CTNNA2: variants seen among roughly 807,000 people sequenced by gnomAD.
CTNNA2 encodes the protein catenin alpha 2.
CTNNA2 carries 42 observed loss-of-function variants against 101.0 expected under a neutral mutation model. That is an observed-to-expected ratio of 0.42 (90% confidence interval 0.32 to 0.54). The LOEUF (loss-of-function observed/expected upper bound fraction) is 0.54, where lower values mean the gene tolerates loss of function less well. Among genes scored for constraint, CTNNA2 ranks in the 20% least tolerant of loss-of-function variants. The pLI is 0.14. For synonymous variants in CTNNA2, 450 were observed against 456.4 expected, an observed-to-expected ratio of 0.99 and a Z score of 0.18; for missense variants, 871 against 1,223.1, an observed-to-expected ratio of 0.71 and a Z score of 4.29.
chr2:79,740,660 C>T (rs1297537780), intron 2 of CTNNA2, among the ~76,000 whole-genome samples: 1 of 152,086 alleles, frequency 6.6e-6, no homozygotes, highest in East Asian at 1.9e-4. Context: ...TGTAGTGAGA[C>T]AAATGTAGAG....
chr2:79,946,912 G>A (rs1473501104), intron 7 of CTNNA2, among the ~76,000 whole-genome samples: 2 of 152,192 alleles, frequency 1.3e-5, no homozygotes, highest in African/African-American at 4.8e-5. Flanking sequence ...GAAGAGACCA[G>A]TCTCCAAGAA....
intron 7 of CTNNA2, among the ~76,000 whole-genome samples, chr2:79,929,962 C>T (rs186030183): frequency 2.6e-5 from 4 of 152,152 alleles, no homozygotes; most frequent in Non-Finnish European, 5.9e-5. Context: ...CCTGGCCAGC[C>T]GTGGTGGCAA....
At chr2:79,689,199 C>T (rs1684128561) in intron 2 of CTNNA2, among the ~76,000 whole-genome samples, 1 of 151,814 alleles carries the variant, frequency 6.6e-6, no homozygotes, top group African/African-American at 2.4e-5. Context: ...AAGTACAAGG[C>T]ATTTTTGTGA....
At chr2:79,510,390 C>T (rs535341679), upstream of CTNNA2, among the ~76,000 whole-genome samples, 3 of 152,180 alleles carry the variant, frequency 2.0e-5, no homozygotes, top group East Asian at 5.8e-4. Flanking sequence ...ACAATGGGGA[C>T]AAACAACATG....
rs1199285781 is a variant in CTNNA2 at position 80,574,161 on chromosome 2, A to C, written c.1742-2A>C. 6.2e-7 allele frequency: 1 copy of C among 1,609,236 alleles called. No individual in the cohort carries two copies. ...ATCCTCTGCTTTTTATTTTTAACCC[A>C]GTGATGCCACGCTTCGCTGAACAAG... On this transcript the variant is annotated splice_acceptor_variant, in intron 12 of 18. Coordinates refer to ENST00000402739, the MANE Select transcript of CTNNA2 (RefSeq NM_001282597.3). LOFTEE classifies it high-confidence loss of function.
chr2:79,471,521 A>AT (rs1049607105), intron 4 of CTNNA2, among the ~76,000 whole-genome samples: 5 of 152,090 alleles, frequency 3.3e-5, no homozygotes, highest in African/African-American at 9.7e-5. Flanking sequence ...CCACCTCCTA[A>AT]TACCATCACA....
intron 7 of CTNNA2, among the ~76,000 whole-genome samples, chr2:80,098,140 T>C (rs890351607): frequency 6.6e-6 from 1 of 152,186 alleles, no homozygotes; most frequent in Non-Finnish European, 1.5e-5. Context: ...TGTGGTTTTA[T>C]CTACCTTTGG....
intron 3 of CTNNA2, among the ~76,000 whole-genome samples, chr2:79,748,262 TG>T (rs1242738131): frequency 6.6e-6 from 1 of 152,166 alleles, no homozygotes; most frequent in African/African-American, 2.4e-5. Flanking sequence ...AAAGAGCTTG[TG>T]GGGAAGGAAT....
At chr2:80,342,692 G>T (rs1442369243) in intron 7 of CTNNA2, among the ~76,000 whole-genome samples, 1 of 151,960 alleles carries the variant, frequency 6.6e-6, no homozygotes, top group Non-Finnish European at 1.5e-5. Context: ...AATGCAGAGT[G>T]CCAGTTTTTT....
chr2:80,125,631 A>G (rs1702068991), intron 7 of CTNNA2, among the ~76,000 whole-genome samples: 1 of 152,120 alleles, frequency 6.6e-6, no homozygotes, highest in Admixed American at 6.5e-5. Context: ...TGGCAAGAGA[A>G]TGGTTCTCAT....
At chr2:79,816,070 A>G (rs1240218914) in intron 3 of CTNNA2, among the ~76,000 whole-genome samples, 1 of 151,958 alleles carries the variant, frequency 6.6e-6, no homozygotes, top group Non-Finnish European at 1.5e-5. Flanking sequence ...CTGTTGGTGT[A>G]TAGAAGAGCT....
intron 7 of CTNNA2, among the ~76,000 whole-genome samples, chr2:80,263,259 T>A (rs1217026196): frequency 6.6e-6 from 1 of 152,234 alleles, no homozygotes; most frequent in South Asian, 2.1e-4. Flanking sequence ...ATATTAGATT[T>A]TGTTAAAACT....
chr2:80,204,402 C>A (rs1395446742), intron 7 of CTNNA2, among the ~76,000 whole-genome samples: 1 of 152,172 alleles, frequency 6.6e-6, no homozygotes, highest in Non-Finnish European at 1.5e-5. Context: ...TTAGAAATTT[C>A]TTCTGCCAGA....
chr2:79,908,406 C>T (rs894258974), intron 6 of CTNNA2, among the ~76,000 whole-genome samples: 2 of 152,148 alleles, frequency 1.3e-5, no homozygotes, highest in African/African-American at 2.4e-5. Context: ...CCATTTGCCC[C>T]ATCATTGCCA....
chr2:80,306,404 C>CTTTTCTTTTCT (rs111911483), intron 7 of CTNNA2, among the ~76,000 whole-genome samples: 67 of 59,830 alleles, frequency 1.1e-3, no homozygotes, highest in South Asian at 5.4e-3. Flanking sequence ...CTTTTCTTTT[C>CTTTTCTTTTCT]TTTCTTTCTT....
chr2:80,267,421 C>A (rs555469096), intron 7 of CTNNA2, among the ~76,000 whole-genome samples: 1 of 152,250 alleles, frequency 6.6e-6, no homozygotes, highest in Admixed American at 6.5e-5. Context: ...AAATCTTGGA[C>A]CCAGTACCTG....
intron 9 of CTNNA2, among the ~76,000 whole-genome samples, chr2:80,505,640 A>G (rs989676873): frequency 6.6e-6 from 1 of 152,222 alleles, no homozygotes; most frequent in African/African-American, 2.4e-5. Context: ...AACAGTGGGC[A>G]TATGTATACT....
chr2:80,608,512 C>T (rs541897460), intron 17 of CTNNA2, 194 bp downstream of exon 17: 35 of 475,396 alleles, frequency 7.4e-5, no homozygotes, highest in African/African-American at 6.8e-4. Flanking sequence ...TCCAATTACC[C>T]TGTGTTTATT....
intron 4 of CTNNA2, among the ~76,000 whole-genome samples, chr2:79,403,595 A>C (rs1473240592): frequency 6.6e-6 from 1 of 152,002 alleles, no homozygotes; most frequent in Non-Finnish European, 1.5e-5. Context: ...AAAAACCAGG[A>C]AACTCAAAAT....
Sources: gnomAD v4.1 joint callset for allele counts (sites outside exome capture counted in the v4.1 genomes callset) on GRCh38, gnomAD v4.1.1 for gene constraint, MANE v1.5 for transcripts, NCBI Gene and HGNC (gene_info 2026-07-23, HGNC 2026-07-21) for gene names.